PTPN2: variants seen among roughly 807,000 people sequenced by gnomAD.
PTPN2 encodes protein tyrosine phosphatase non-receptor type 2.
Under a neutral mutation model 57.3 loss-of-function variants are expected in PTPN2, and 19 were observed. That is an observed-to-expected ratio of 0.33 (90% CI 0.23 to 0.49). PTPN2 has a LOEUF of 0.49. PTPN2 is among the 20% of genes least tolerant of loss of function. The pLI, the probability that PTPN2 is intolerant of heterozygous loss-of-function variation, is 0.99. For missense variants in PTPN2, 358 were observed against 501.1 expected (o/e 0.71, Z 2.73); for synonymous variants, 153 against 164.9 (o/e 0.93, Z 0.55).
intron 5 of PTPN2, among the ~76,000 whole-genome samples, chr18:12,817,744 A>T (rs1228844971): frequency 2.0e-5 from 3 of 152,240 alleles, no homozygotes. Flanking sequence ...GATTTGAAGC[A>T]ACCTGGGGCA....
downstream of PTPN2, among the ~76,000 whole-genome samples, chr18:12,789,908 T>C (rs967982446): frequency 6.6e-6 from 1 of 151,854 alleles, no homozygotes; most frequent in Non-Finnish European, 1.5e-5. Context: ...ATATGTATTA[T>C]GAGAGACAGA....
intron 1 of PTPN2, among the ~76,000 whole-genome samples, chr18:12,870,094 A>C (rs1222785422): frequency 6.6e-6 from 1 of 150,738 alleles, no homozygotes; most frequent in African/African-American, 2.5e-5. Flanking sequence ...TAGAGACTAA[A>C]ACAGCTCACT....
chr18:12,864,676 G>A (rs1021093381), intron 1 of PTPN2, among the ~76,000 whole-genome samples: 8 of 152,090 alleles, frequency 5.3e-5, no homozygotes, highest in African/African-American at 1.9e-4. Flanking sequence ...GGGATTACAG[G>A]CATAAGCCAC....
rs1419285582 is a variant in PTPN2 at position 12,851,306 on chromosome 18, C to T, written c.160+7858G>A. Among the ~76,000 whole-genome samples, 3 of 39,890 alleles carry T rather than the reference C, an allele frequency of 7.5e-5. 1 individual carries two copies. Among genetic ancestry groups the T allele is most frequent in the African/African-American group, 1.8e-4 (3 of 16,936 alleles). 26.2% of individuals were successfully genotyped at this position (39,890 alleles called of 152,430 possible). The stretch of plus-strand genomic sequence containing the variant: ...CATCCTGGCTAACAAGGTGAAACCC[C>T]GTCTCTACTAAAAATACAAAAAATT... On this transcript the variant is annotated intron_variant, in intron 2 of 8. Coordinates refer to ENST00000309660, the MANE Select transcript of PTPN2 (RefSeq NM_002828.4).
intron 2 of PTPN2, among the ~76,000 whole-genome samples, chr18:12,856,676 A>G (rs1257226972): frequency 6.6e-6 from 1 of 152,196 alleles, no homozygotes; most frequent in African/African-American, 2.4e-5. Context: ...CTGAGGAGAA[A>G]AATCATAAGT....
intron 8 of PTPN2, among the ~76,000 whole-genome samples, chr18:12,799,234 T>C (rs576450807): frequency 9.9e-5 from 15 of 152,040 alleles, no homozygotes; most frequent in African/African-American, 3.4e-4. Flanking sequence ...CTGGCCAACA[T>C]GGTGAAACCC....
intron 1 of PTPN2, among the ~76,000 whole-genome samples, chr18:12,873,359 T>C (rs1431424913): frequency 1.3e-5 from 2 of 152,152 alleles, no homozygotes; most frequent in Non-Finnish European, 2.9e-5. Flanking sequence ...ACTGTACTGC[T>C]GCCATCTCGG....
At chr18:12,816,615 T>A (rs1310513400) in intron 6 of PTPN2, among the ~76,000 whole-genome samples, 1 of 152,118 alleles carries the variant, frequency 6.6e-6, no homozygotes, top group Non-Finnish European at 1.5e-5. Context: ...GGACTGGGAA[T>A]GACTGGTGGA....
chr18:12,872,947 G>A (rs982221400), intron 1 of PTPN2, among the ~76,000 whole-genome samples: 2 of 152,194 alleles, frequency 1.3e-5, no homozygotes, highest in Admixed American at 6.5e-5. Context: ...CAGGCTGGAC[G>A]CGGTGGCTCA....
Position 12,817,325 on chromosome 18 carries a change from G to A in PTPN2, c.536C>T (p.Thr179Ile). ...TTCAGGGACTCCAAAATCTGGCCAG[G>A]TAGTATAATGAAAGTGAGATATTGT... ...TRTISHFHYT[T>I]WPDFGVPESP... Residue 179 changes from threonine (T) to isoleucine (I), a missense_variant, in exon 6 of 9, where the codon ACC (threonine) becomes ATC (isoleucine). Thr to Ile is a moderately conservative substitution (Grantham distance 89, BLOSUM62 -1). Transcript: ENST00000309660. 1.2e-6 allele frequency: 2 copies of A among 1,613,972 alleles called. No homozygotes were observed. Among genetic ancestry groups the A allele is most frequent in the African/African-American group, 2.7e-5 (2 of 75,040 alleles).
At chr18:12,790,318 T>C (rs1268611319), downstream of PTPN2, among the ~76,000 whole-genome samples, 2 of 152,200 alleles carry the variant, frequency 1.3e-5, no homozygotes, top group Non-Finnish European at 2.9e-5. Context: ...TTTGGGAATG[T>C]AGGTACTCAT....
chr18:12,850,701 T>C (rs2043363295), intron 2 of PTPN2, among the ~76,000 whole-genome samples: 1 of 152,120 alleles, frequency 6.6e-6, no homozygotes, highest in Admixed American at 6.5e-5. Context: ...TAACCTATAT[T>C]TTAATTGCAT....
chr18:12,880,997 T>C (rs1039766555), intron 1 of PTPN2, among the ~76,000 whole-genome samples: 7 of 152,212 alleles, frequency 4.6e-5, no homozygotes, highest in African/African-American at 1.2e-4. Context: ...TTCAAATCTG[T>C]ATCTCCCCTC....
At chr18:12,878,679 G>A (rs1186906187) in intron 1 of PTPN2, among the ~76,000 whole-genome samples, 3 of 152,004 alleles carry the variant, frequency 2.0e-5, no homozygotes, top group Admixed American at 2.0e-4. Context: ...TTCAAAAAAA[G>A]AAAAATGAAG....
At chr18:12,823,286 C>G (rs1469458408) in intron 5 of PTPN2, among the ~76,000 whole-genome samples, 1 of 152,218 alleles carries the variant, frequency 6.6e-6, no homozygotes, top group Non-Finnish European at 1.5e-5. Flanking sequence ...GGCCAACTCA[C>G]ATGATGGCCT....
intron 5 of PTPN2, chr18:12,821,195 A>C (rs2042258503): frequency 6.9e-6 from 1 of 145,112 alleles, no homozygotes; most frequent in African/African-American, 2.9e-5. Flanking sequence ...TGTCATCTGT[A>C]AATAGGGTTA....
At position 12,881,203 on chromosome 18, in the gene PTPN2, G is replaced by A. The variant is rs1197307867; in HGVS notation, c.69+2870C>T. ...TAATCCCAGCACTTTGAGAGGCCGA[G>A]GCAGGCGGATCACCTGAGGTCAGGA... On this transcript the variant is annotated intron_variant, in intron 1 of 8. Coordinates refer to ENST00000309660, the MANE Select transcript of PTPN2 (RefSeq NM_002828.4). Among the ~76,000 whole-genome samples the A allele has an allele frequency of 2.0e-5, 3 of 152,288 alleles. No individual in the cohort carries two copies. The East Asian group carries it at 5.8e-4, about 29-fold the overall frequency.
At chr18:12,861,250 C>T (rs1027732489) in intron 1 of PTPN2, among the ~76,000 whole-genome samples, 1 of 152,198 alleles carries the variant, frequency 6.6e-6, no homozygotes, top group Non-Finnish European at 1.5e-5. Flanking sequence ...AGATATAAGA[C>T]ACTGTTATTA....
chr18:12,879,401 A>C (rs1252628771), intron 1 of PTPN2, among the ~76,000 whole-genome samples: 1 of 152,126 alleles, frequency 6.6e-6, no homozygotes. Flanking sequence ...CTTCTATTTC[A>C]ACCTCCACCT....
Sources: allele counts gnomAD v4.1 joint callset (sites outside exome capture counted in the v4.1 genomes callset), GRCh38; gene constraint gnomAD v4.1.1; transcripts MANE v1.5; gene names NCBI Gene and HGNC (gene_info 2026-07-23, HGNC 2026-07-21).